TRIM35: variants seen among roughly 807,000 people sequenced by gnomAD.
The protein encoded by TRIM35 is tripartite motif containing 35.
Under a neutral mutation model 49.1 loss-of-function variants are expected in TRIM35, and 37 were observed. The ratio of observed to expected loss-of-function variants is 0.75; its 90% CI spans 0.58 to 0.99. The LOEUF (loss-of-function observed/expected upper bound fraction) is 0.99. Ranked by LOEUF, TRIM35 falls within the 50% of genes least tolerant of loss-of-function variation. TRIM35 has a pLI of 0.00. For synonymous variants in TRIM35, 302 were observed against 289.3 expected (o/e 1.04, Z -0.45); for missense variants, 648 against 702.7 (o/e 0.92, Z 0.88).
chr8:27,301,753 A>T (rs1450559487), intron 1 of TRIM35, among the ~76,000 whole-genome samples: 1 of 152,226 alleles, frequency 6.6e-6, no homozygotes, highest in Non-Finnish European at 1.5e-5. Context: ...TCACAAAAAC[A>T]ATCGTATTAT....
chr8:27,289,011 C>T, intron 5 of TRIM35, 151 bp downstream of exon 5: 1 of 618,206 alleles, frequency 1.6e-6, no homozygotes, highest in South Asian at 1.8e-5. Flanking sequence ...AGGAACCTGC[C>T]TGCGAGGGAC....
chr8:27,287,560 A>G lies in TRIM35; in HGVS notation c.1472T>C (p.Leu491Pro). The stretch of plus-strand genomic sequence containing the variant: ...CAGCCCCGGGCCAGCTCAGCCATCC[A>G]GTTCTTCCTTGACACTGATGTGCAA... ...CPLHISVKEE[L>P]DG The change falls in exon 6 of 6, where the codon CTG becomes CCG. Residue 491 changes from leucine to proline, a missense_variant. By Grantham distance (98) the Leu-to-Pro change is moderately conservative (BLOSUM62 -3). Coordinates refer to ENST00000305364, the MANE Select transcript of TRIM35 (RefSeq NM_171982.5). This position sits in a 1 kb window ranked among gnomAD's most constrained non-coding sequence, Gnocchi z 6.0. 6.3e-7 allele frequency: 1 copy of G among 1,583,142 alleles called. No homozygotes were observed. Among genetic ancestry groups the G allele is most frequent in the African/African-American group, 1.3e-5 (1 of 74,626 alleles).
intron 1 of TRIM35, among the ~76,000 whole-genome samples, chr8:27,307,516 T>C (rs1009769776): frequency 1.3e-5 from 2 of 152,146 alleles, no homozygotes; most frequent in African/African-American, 4.8e-5. Context: ...ATGTAATTAT[T>C]AGTGAGATGA....
chr8:27,300,378 A>T (rs903209791), intron 1 of TRIM35, among the ~76,000 whole-genome samples: 1 of 148,446 alleles, frequency 6.7e-6, no homozygotes, highest in East Asian at 2.0e-4. Flanking sequence ...AGTTTTGGGC[A>T]ATTTGCTAGG....
intron 1 of TRIM35, among the ~76,000 whole-genome samples, chr8:27,307,116 AG>A (rs1802802345): frequency 6.6e-6 from 1 of 152,166 alleles, no homozygotes; most frequent in Non-Finnish European, 1.5e-5. Context: ...GGATTTCTGA[AG>A]GTCCTTCCAA....
At chr8:27,293,049 C>T (rs1223028861) in intron 3 of TRIM35, among the ~76,000 whole-genome samples, 1 of 150,654 alleles carries the variant, frequency 6.6e-6, no homozygotes, top group Non-Finnish European at 1.5e-5. Context: ...GCTCTGAACA[C>T]AGAATGATTT....
intron 1 of TRIM35, among the ~76,000 whole-genome samples, chr8:27,309,779 T>A (rs1323778790): frequency 6.6e-6 from 1 of 151,558 alleles, no homozygotes; most frequent in Non-Finnish European, 1.5e-5. Context: ...GGCCAGGAGT[T>A]CCAGACCAGC....
intron 1 of TRIM35, among the ~76,000 whole-genome samples, chr8:27,309,370 TAAAC>T: frequency 6.6e-6 from 1 of 152,180 alleles, no homozygotes; most frequent in East Asian, 1.9e-4. Flanking sequence ...GGACCCATGT[TAAAC>T]AAAAAAGATG....
intron 1 of TRIM35, among the ~76,000 whole-genome samples, chr8:27,302,683 C>T (rs1802703687): frequency 6.6e-6 from 1 of 152,230 alleles, no homozygotes; most frequent in Admixed American, 6.5e-5. Context: ...GCTGGGATTA[C>T]AGGTGTAAAA....
In TRIM35 at chr8:27,307,666, G is replaced by A. The variant is rs552409298; in HGVS notation, c.435+3135C>T. Among the ~76,000 whole-genome samples, 10 of 152,250 alleles carry A rather than the reference G, an allele frequency of 6.6e-5. No homozygotes were observed. The South Asian group carries it at 1.5e-3, about 22-fold the overall frequency. The stretch of plus-strand genomic sequence containing the variant: ...ACCCCTAACACACAGTCAGCTGCCC[G>A]CTGAAGTCTGAGATGAGAGAAACCT... On this transcript the variant is annotated intron_variant, in intron 1 of 5. Coordinates refer to ENST00000305364, the MANE Select transcript of TRIM35 (RefSeq NM_171982.5).
rs1362041738 is a variant in TRIM35, at chr8:27,286,167, T to C, written c.*1383A>G. On this transcript the variant is annotated 3_prime_UTR_variant, in exon 6 of 6. Coordinates refer to ENST00000305364, the MANE Select transcript of TRIM35 (RefSeq NM_171982.5). ...GAAAAAAAAATATTTCCTTTTATGA[T>C]GCCACTTCCTGGGACATGATGAGCT... 2.2e-6 allele frequency: 1 copy of C among 456,274 alleles called. No homozygotes were observed. The highest frequency in any genetic ancestry group is 6.9e-5 in the East Asian group (1 of 14,402). 28.3% of individuals were successfully genotyped at this position (456,274 alleles called of 1,614,324 possible). A position where few individuals can be genotyped will look rare whatever the true frequency, so the allele number is the denominator to read the frequency against.
Position 27,290,324 on chromosome 8 carries a change from T to C in TRIM35, c.763-146A>G, listed in dbSNP as rs562937542. The stretch of plus-strand genomic sequence containing the variant: ...TTAACAATAACATCCCTGCTATGAT[T>C]TGAACATATTATCCAAAAGTTCATG... On this transcript the variant is annotated intron_variant, in intron 3 of 5. Transcript: ENST00000305364. 8 of 796,718 alleles carry C rather than the reference T, an allele frequency of 1.0e-5. No homozygotes were observed. The Admixed American group carries it at 1.3e-4, about 13-fold the overall frequency. The allele number at this position is 796,718 out of a possible 1,614,324, so 49.4% of individuals were successfully genotyped here. A position where few individuals can be genotyped will look rare whatever the true frequency, so the allele number is the denominator to read the frequency against.
At chr8:27,300,999 A>G (rs1008714221) in intron 1 of TRIM35, among the ~76,000 whole-genome samples, 1 of 152,202 alleles carries the variant, frequency 6.6e-6, no homozygotes, top group Admixed American at 6.5e-5. Context: ...TTATGGGACA[A>G]TAAGGATGGG....
Position 27,311,241 on chromosome 8 carries a change from G to C in TRIM35, c.-6C>G, listed in dbSNP as rs200729724. 1.3e-4 allele frequency: 204 copies of C among 1,515,454 alleles called. 2 individuals are homozygous for C. The East Asian group carries it at 3.9e-3, about 29-fold the overall frequency. 93.9% of individuals were successfully genotyped at this position (1,515,454 alleles called of 1,614,324 possible). A position where few individuals can be genotyped will look rare whatever the true frequency, so the allele number is the denominator to read the frequency against. ...ACGTCGGGACTCCGCTCCATGGCAC[G>C]AGCAGCCGGCTCGGGCGCCCGGAAC... On this transcript the variant is annotated 5_prime_UTR_variant, in exon 1 of 6. Transcript: ENST00000305364.
Position 27,311,191 on chromosome 8 carries a change from G to A in TRIM35, c.45C>T (p.Phe15=), listed in dbSNP as rs777843116. Residue 15 remains phenylalanine, a synonymous_variant, in exon 1 of 6, where the codon TTC becomes TTT. Coordinates refer to ENST00000305364, the MANE Select transcript of TRIM35 (RefSeq NM_171982.5). ...AGACGGCGCAGAGCAACTCCTCCTT[G>A]AAGGAGCGGGAAGGCCCGGGGGACA... ...PDVSPGPSRS[F]KEELLCAVCY... 6.3e-7 allele frequency: 1 copy of A among 1,598,338 alleles called. No homozygotes were observed. The highest frequency in any genetic ancestry group is 8.5e-7 in the Non-Finnish European group (1 of 1,171,450).
intron 2 of TRIM35, among the ~76,000 whole-genome samples, chr8:27,295,530 T>C (rs550476088): frequency 2.0e-5 from 3 of 152,348 alleles, no homozygotes; most frequent in East Asian, 3.9e-4. Flanking sequence ...AAAAACATCA[T>C]AGGTTAGCCT....
At position 27,285,274 on chromosome 8, in the gene TRIM35, T is replaced by C. The variant is rs972206231; in HGVS notation, c.*2276A>G. 1 of 152,198 alleles carries C rather than the reference T, an allele frequency of 6.6e-6. No individual in the cohort carries two copies. The highest frequency in any genetic ancestry group is 2.4e-5 in the African/African-American group (1 of 41,426). 9.4% of individuals were successfully genotyped at this position (152,198 alleles called of 1,614,324 possible). A position where few individuals can be genotyped will look rare whatever the true frequency, so the allele number is the denominator to read the frequency against. On this transcript the variant is annotated 3_prime_UTR_variant, in exon 6 of 6. Coordinates refer to ENST00000305364, the MANE Select transcript of TRIM35 (RefSeq NM_171982.5). Reference sequence around the variant, plus strand: ...ATGCCCTGTTGATGGGATATAAAATTGTGTCACCACATTGGAAAACAGTTT... The same window carrying C: ...ATGCCCTGTTGATGGGATATAAAATCGTGTCACCACATTGGAAAACAGTTT...
chr8:27,310,931 C>T lies in TRIM35; in HGVS notation c.305G>A (p.Arg102His). 1 of 1,612,464 alleles carries T rather than the reference C, an allele frequency of 6.2e-7. No homozygotes were observed. The highest frequency in any genetic ancestry group is 8.5e-7 in the Non-Finnish European group (1 of 1,179,738). Reference protein sequence around the residue: ...WTSYRFSRVCRLHRGQLSLFC... With the variant: ...WTSYRFSRVCHLHRGQLSLFC... ...GAGGCTGAGCTGTCCGCGGTGCAGG[C>T]GGCAGACACGCGAGAAGCGGTAGCT... The change falls in exon 1 of 6, where the codon CGC (arginine) becomes CAC (histidine). Residue 102 changes from arginine to histidine, a missense_variant. Arg to His is a conservative substitution (Grantham distance 29). Coordinates refer to ENST00000305364, the MANE Select transcript of TRIM35 (RefSeq NM_171982.5).
rs180877543 is a variant in TRIM35, at chr8:27,308,053, G to A, written c.435+2748C>T. On this transcript the variant is annotated intron_variant, in intron 1 of 5. Coordinates refer to ENST00000305364, the MANE Select transcript of TRIM35 (RefSeq NM_171982.5). ...GTCAAAGTGACAACAGATGCAGAAC[G>A]GAATGACACACTTCAGAGCTGGAAG... 5.3e-4 allele frequency among the ~76,000 whole-genome samples: 81 copies of A among 152,202 alleles called. 1 individual carries two copies. Among genetic ancestry groups the A allele is most frequent in the African/African-American group, 1.8e-3 (76 of 41,536 alleles).
Sources: allele counts gnomAD v4.1 joint callset (sites outside exome capture counted in the v4.1 genomes callset), GRCh38; gene constraint gnomAD v4.1.1; non-coding constraint Gnocchi (gnomAD v3.1); transcripts MANE v1.5; gene names NCBI Gene and HGNC (gene_info 2026-07-23, HGNC 2026-07-21).